KIAA1328: variants seen among roughly 807,000 people sequenced by gnomAD.
KIAA1328 encodes protein hinderin.
In KIAA1328, 52 loss-of-function variants were observed where a neutral mutation model predicts 68.1. The observed-to-expected ratio is 0.76, with a 90% CI of 0.61 to 0.96. The LOEUF is 0.96. Among genes scored for constraint, KIAA1328 ranks in the 40% least tolerant of loss-of-function variants. The pLI is 0.00. For synonymous variants in KIAA1328, 232 were observed against 239.4 expected (o/e 0.97, Z 0.28); for missense variants, 641 against 677.6 (o/e 0.95, Z 0.60).
intron 9 of KIAA1328, among the ~76,000 whole-genome samples, chr18:37,211,322 C>T (rs1432340482): frequency 4.6e-5 from 7 of 152,154 alleles, no homozygotes; most frequent in Non-Finnish European, 1.0e-4. Context: ...CCTCAGTTTC[C>T]TCATCAATAA....
At chr18:36,839,114 A>C (rs904456107) in intron 3 of KIAA1328, among the ~76,000 whole-genome samples, 2 of 152,146 alleles carry the variant, frequency 1.3e-5, no homozygotes, top group African/African-American at 4.8e-5. Flanking sequence ...AGTTTTCATC[A>C]AATTGGGAAA....
At chr18:36,909,152 CTTCAAG>C (rs1377786353) in intron 5 of KIAA1328, among the ~76,000 whole-genome samples, 1 of 151,984 alleles carries the variant, frequency 6.6e-6, no homozygotes, top group African/African-American at 2.4e-5. Flanking sequence ...TATTATTATA[CTTCAAG>C]TTCTAGGGTA....
At chr18:37,128,846 C>T (rs948983596) in intron 7 of KIAA1328, among the ~76,000 whole-genome samples, 5 of 151,940 alleles carry the variant, frequency 3.3e-5, no homozygotes, top group Non-Finnish European at 7.4e-5. Flanking sequence ...ACACGTAATA[C>T]GTGTAACAAC....
chr18:36,859,652 G>A (rs1398625467), intron 4 of KIAA1328, among the ~76,000 whole-genome samples: 1 of 150,896 alleles, frequency 6.6e-6, no homozygotes, highest in Non-Finnish European at 1.5e-5. Flanking sequence ...GCCTCGCTGT[G>A]TTGCCCAGGC....
At chr18:37,140,420 T>A (rs1460754723) in intron 7 of KIAA1328, among the ~76,000 whole-genome samples, 1 of 152,102 alleles carries the variant, frequency 6.6e-6, no homozygotes, top group Non-Finnish European at 1.5e-5. Context: ...TGGTCCTGAA[T>A]GACATTTAAA....
At chr18:37,135,672 C>A (rs2058627513) in intron 7 of KIAA1328, among the ~76,000 whole-genome samples, 1 of 152,104 alleles carries the variant, frequency 6.6e-6, no homozygotes, top group Non-Finnish European at 1.5e-5. Context: ...CTTTGCTGTG[C>A]AGGAGCTCTT....
At chr18:37,179,069 T>C (rs1387416389) in intron 9 of KIAA1328, among the ~76,000 whole-genome samples, 2 of 152,210 alleles carry the variant, frequency 1.3e-5, no homozygotes, top group Non-Finnish European at 2.9e-5. Context: ...TGCAGAAGCT[T>C]TGATGTAATC....
At chr18:36,995,749 G>C (rs773299262) in intron 6 of KIAA1328, among the ~76,000 whole-genome samples, 2 of 152,172 alleles carry the variant, frequency 1.3e-5, no homozygotes, top group Non-Finnish European at 2.9e-5. Context: ...CAGATGACTG[G>C]ATTTGGAAAA....
intron 6 of KIAA1328, among the ~76,000 whole-genome samples, chr18:36,960,413 A>G (rs923688387): frequency 2.6e-5 from 4 of 152,240 alleles, no homozygotes; most frequent in African/African-American, 9.6e-5. Context: ...AAACTTCTGC[A>G]GGCTTAAACA....
chr18:37,180,058 CCACACACACACA>C (rs139301794), intron 9 of KIAA1328, among the ~76,000 whole-genome samples: 8,896 of 134,134 alleles, frequency 0.066, 940 homozygotes, highest in African/African-American at 0.22. Context: ...GATTCAAAAG[CCACACACACACA>C]CACACACACA....
rs574212291 is a variant in KIAA1328 at position 36,832,994 on chromosome 18, G to A, written c.59-1326G>A. On this transcript the variant is annotated intron_variant, in intron 1 of 9. Coordinates refer to ENST00000280020, the MANE Select transcript of KIAA1328 (RefSeq NM_020776.3). ...TGGGACTACAGGCACCCGCCACCAT[G>A]CCCGGCTAATTTTTTTTTTTTACAT... is the stretch of plus-strand genomic sequence containing the variant. 3.1e-3 allele frequency: 471 copies of A among 151,922 alleles called. 2 individuals are homozygous for A. Among genetic ancestry groups the A allele is most frequent in the Non-Finnish European group, 6.0e-3 (405 of 68,026 alleles). The allele number at this position is 151,922 out of a possible 1,614,324, so 9.4% of individuals were successfully genotyped here.
At chr18:36,934,188 T>G (rs550449329) in intron 5 of KIAA1328, among the ~76,000 whole-genome samples, 52 of 152,282 alleles carry the variant, frequency 3.4e-4, no homozygotes, top group Middle Eastern at 3.4e-3. Flanking sequence ...GACAACCCTG[T>G]GCAGGCAGCT....
At chr18:37,163,682 T>G (rs1194612245) in intron 8 of KIAA1328, among the ~76,000 whole-genome samples, 1 of 152,136 alleles carries the variant, frequency 6.6e-6, no homozygotes, top group Non-Finnish European at 1.5e-5. Flanking sequence ...TCCAGATGGA[T>G]TAAAGTAGGT....
intron 7 of KIAA1328, among the ~76,000 whole-genome samples, chr18:37,076,661 A>G (rs898370381): frequency 2.0e-5 from 3 of 151,842 alleles, no homozygotes; most frequent in South Asian, 2.1e-4. Context: ...TATCACCACC[A>G]ATCCCACAGA....
At chr18:36,915,786 A>G (rs2049671434) in intron 5 of KIAA1328, among the ~76,000 whole-genome samples, 2 of 152,174 alleles carry the variant, frequency 1.3e-5, no homozygotes, top group African/African-American at 4.8e-5. Context: ...AGTTTCTTAT[A>G]AAAGTTAAGC....
chr18:37,079,760 G>A (rs565330375), intron 7 of KIAA1328, among the ~76,000 whole-genome samples: 135 of 151,702 alleles, frequency 8.9e-4, no homozygotes, highest in African/African-American at 3.0e-3. Context: ...GGTGGTGGGC[G>A]CCTGTAATCC....
chr18:37,142,328 A>G (rs1226328763), intron 7 of KIAA1328, among the ~76,000 whole-genome samples: 1 of 151,950 alleles, frequency 6.6e-6, no homozygotes, highest in Non-Finnish European at 1.5e-5. Flanking sequence ...AGTAGCTGGG[A>G]TTACAGGCGC....
At chr18:36,991,634 T>C (rs995072887) in intron 6 of KIAA1328, among the ~76,000 whole-genome samples, 13 of 152,226 alleles carry the variant, frequency 8.5e-5, no homozygotes, top group African/African-American at 3.1e-4. Flanking sequence ...ACCACCATTC[T>C]TGAATTTGAG....
intron 5 of KIAA1328, among the ~76,000 whole-genome samples, chr18:36,936,000 C>T (rs1439019263): frequency 6.6e-6 from 1 of 152,144 alleles, no homozygotes; most frequent in Non-Finnish European, 1.5e-5. Flanking sequence ...CCAGGATACT[C>T]AGCTTGTTGT....
Sources: gnomAD v4.1 joint callset for allele counts (sites outside exome capture counted in the v4.1 genomes callset) on GRCh38, gnomAD v4.1.1 for gene constraint, MANE v1.5 for transcripts, NCBI Gene and HGNC (gene_info 2026-07-23, HGNC 2026-07-21) for gene names.